The following LONP2 variants were observed in gnomAD, a reference collection of about 807,000 sequenced individuals.
LONP2 encodes lon protease homolog 2, peroxisomal.
A neutral mutation model predicts 85.6 loss-of-function variants in LONP2; 60 were observed. That is an observed-to-expected ratio of 0.70 (90% confidence interval 0.57 to 0.87). The LOEUF is 0.87. Among genes scored for constraint, LONP2 ranks in the 40% least tolerant of loss-of-function variants. The pLI, the probability that LONP2 is intolerant of heterozygous loss-of-function variation, is 0.00. For synonymous variants in LONP2, 395 were observed against 389.7 expected (o/e 1.01, Z -0.16); for missense variants, 860 against 1,063.5 (o/e 0.81, Z 2.66).
chr16:48,340,806 T>C (rs1959788058), intron 12 of LONP2, among the ~76,000 whole-genome samples: 1 of 151,448 alleles, frequency 6.6e-6, no homozygotes, highest in East Asian at 2.0e-4. Context: ...TACAAAATAT[T>C]ACCCGGAAGG....
intron 1 of LONP2, among the ~76,000 whole-genome samples, chr16:48,251,038 G>A (rs1285946623): frequency 1.3e-5 from 2 of 152,238 alleles, no homozygotes; most frequent in East Asian, 1.9e-4. Flanking sequence ...AATAAACTGA[G>A]TGGCAGAAAG....
chr16:48,273,800 T>G (rs1246001625), intron 7 of LONP2, among the ~76,000 whole-genome samples: 1 of 152,200 alleles, frequency 6.6e-6, no homozygotes, highest in African/African-American at 2.4e-5. Context: ...TGATATATCT[T>G]AAATCACTGT....
At chr16:48,297,668 T>C (rs1251867542) in intron 9 of LONP2, among the ~76,000 whole-genome samples, 1 of 152,078 alleles carries the variant, frequency 6.6e-6, no homozygotes, top group Non-Finnish European at 1.5e-5. Context: ...ATCTGAAATA[T>C]ATTTTTACTA....
chr16:48,314,745 CTAGG>C (rs1354283437), intron 11 of LONP2, among the ~76,000 whole-genome samples: 1 of 152,034 alleles, frequency 6.6e-6, no homozygotes, highest in Non-Finnish European at 1.5e-5. Flanking sequence ...AGATATCTTC[CTAGG>C]TATTTGATCT....
intron 14 of LONP2, among the ~76,000 whole-genome samples, chr16:48,350,885 G>A (rs1960121105): frequency 6.6e-6 from 1 of 152,186 alleles, no homozygotes; most frequent in African/African-American, 2.4e-5. Flanking sequence ...TGATGGACTT[G>A]CCCATAGGCT....
chr16:48,329,935 C>CTGTA (rs1282813197), intron 11 of LONP2, among the ~76,000 whole-genome samples: 2 of 152,194 alleles, frequency 1.3e-5, no homozygotes, highest in African/African-American at 4.8e-5. Context: ...AAACCCTTGC[C>CTGTA]TGTACTTTTG....
chr16:48,312,558 G>C (rs1973056231), intron 11 of LONP2, among the ~76,000 whole-genome samples: 1 of 152,064 alleles, frequency 6.6e-6, no homozygotes, highest in Non-Finnish European at 1.5e-5. Context: ...CTGTATGATA[G>C]CCTTGGTTAT....
At chr16:48,244,864 C>T (rs1971264708) in intron 1 of LONP2, among the ~76,000 whole-genome samples, 1 of 152,336 alleles carries the variant, frequency 6.6e-6, no homozygotes, top group Admixed American at 6.5e-5. Context: ...CCCTACCGTT[C>T]TGGATAATTT....
intron 6 of LONP2, among the ~76,000 whole-genome samples, chr16:48,264,557 G>T (rs1399149651): frequency 1.3e-5 from 2 of 152,162 alleles, no homozygotes; most frequent in Non-Finnish European, 2.9e-5. Flanking sequence ...AAACACACAT[G>T]CTGTACAATT....
At chr16:48,295,991 A>T in intron 8 of LONP2, 24 bp from the exon 9 acceptor site, 3 of 1,607,978 alleles carry the variant, frequency 1.9e-6, no homozygotes, top group Non-Finnish European at 2.5e-6. Context: ...TAAAGTTTTT[A>T]AAATGTTTTT....
At chr16:48,246,244 C>T (rs1971379356) in intron 1 of LONP2, among the ~76,000 whole-genome samples, 1 of 152,158 alleles carries the variant, frequency 6.6e-6, no homozygotes, top group Admixed American at 6.5e-5. Flanking sequence ...CCCATCTGAC[C>T]TGCTTTGGTT....
At chr16:48,358,002 A>G (rs1960439210), downstream of LONP2, among the ~76,000 whole-genome samples, 1 of 152,218 alleles carries the variant, frequency 6.6e-6, no homozygotes, top group Non-Finnish European at 1.5e-5. Context: ...GCCTCCTGAA[A>G]GACACCAAAA....
In LONP2 at chr16:48,261,579, G is replaced by C. The variant is rs1004851500; in HGVS notation, c.879G>C (p.Glu293Asp). The change falls in exon 5 of 15, where the codon GAG (glutamate) becomes GAC (aspartate). Residue 293 changes from glutamate (E) to aspartate (D), a missense_variant. Glu to Asp is a conservative substitution (Grantham distance 45). Coordinates refer to ENST00000285737, the MANE Select transcript of LONP2 (RefSeq NM_031490.5). ...PEQAHKVCVK[E>D]IKRLKKMPQS... ...AGGCCCATAAAGTCTGTGTCAAAGA[G>C]ATAAAGAGGTAAATTATAAAAGGCA... 1.3e-6 allele frequency: 2 copies of C among 1,565,006 alleles called. No individual in the cohort carries two copies. The highest frequency in any genetic ancestry group is 1.9e-5 in the Admixed American group (1 of 52,122).
In LONP2 at chr16:48,352,611, C is replaced by T. The variant is rs944342509; in HGVS notation, c.*809C>T. The T allele has an allele frequency of 2.0e-5, 3 of 152,146 alleles. No individual in the cohort carries two copies. The highest frequency in any genetic ancestry group is 7.2e-5 in the African/African-American group (3 of 41,382). The allele number at this position is 152,146 out of a possible 1,614,324, so 9.4% of individuals were successfully genotyped here. A position where few individuals can be genotyped will look rare whatever the true frequency, so the allele number is the denominator to read the frequency against. ...ATCGCGCCATTGCACTCCAGCCTGG[C>T]TGACAGAGCGAGACTGTCTCTAAAA... On this transcript the variant is annotated 3_prime_UTR_variant, in exon 15 of 15. Coordinates refer to ENST00000285737, the MANE Select transcript of LONP2 (RefSeq NM_031490.5).
Position 48,315,585 on chromosome 16 carries a change from C to T in LONP2, c.1795+12280C>T, listed in dbSNP as rs1973124022. 2.0e-5 allele frequency among the ~76,000 whole-genome samples: 3 copies of T among 152,214 alleles called. No homozygotes were observed. In the South Asian group the frequency reaches 6.2e-4, roughly 32 times the overall value. ...GAGCAACTTGTTACTTCATGGCCTA[C>T]TGACCTCTTAAAAGTCTCACTACTT... is the stretch of plus-strand genomic sequence containing the variant. On this transcript the variant is annotated intron_variant, in intron 11 of 14. Coordinates refer to ENST00000285737, the MANE Select transcript of LONP2 (RefSeq NM_031490.5).
At chr16:48,358,468 C>A (rs757107433), downstream of LONP2, among the ~76,000 whole-genome samples, 1 of 152,110 alleles carries the variant, frequency 6.6e-6, no homozygotes, top group Non-Finnish European at 1.5e-5. Flanking sequence ...ACTCAGATGA[C>A]CATGTTGTGT....
In LONP2 at chr16:48,244,530, A is replaced by G. The variant is rs1157935930; in HGVS notation, c.142A>G (p.Lys48Glu). Residue 48 changes from lysine (K) to glutamate (E), a missense_variant, in exon 1 of 15, where the codon AAG becomes GAG. By Grantham distance (56) the Lys-to-Glu change is moderately conservative. Around this residue, in one of 3 missense-constraint regions of LONP2, gnomAD observed 743 missense variants for 917.3 expected, o/e 0.81. Transcript: ENST00000285737. ...NLQLVRSRLL[K>E]GTSLQSTILG... ...GCAGCTGGTGCGGAGCCGCCTTCTG[A>G]AGGGCACGTCGCTGCAAAGCACCAT... 1 of 1,579,124 alleles carries G rather than the reference A, an allele frequency of 6.3e-7. No homozygotes were observed. Among genetic ancestry groups the G allele is most frequent in the Non-Finnish European group, 8.6e-7 (1 of 1,166,646 alleles).
At chr16:48,328,655 G>A (rs1195241495) in intron 11 of LONP2, among the ~76,000 whole-genome samples, 3 of 148,844 alleles carry the variant, frequency 2.0e-5, no homozygotes, top group Non-Finnish European at 4.5e-5. Context: ...TCTAGCCTGG[G>A]TGACACGGGG....
rs1959572484 is a variant in LONP2, at chr16:48,334,365, CATTCTTTTT to C, written c.1938+11_1938+19del. On this transcript the variant is annotated splice_region_variant and intron_variant, in intron 12 of 14. Coordinates refer to ENST00000285737, the MANE Select transcript of LONP2 (RefSeq NM_031490.5). ...CCCGATGTATGAAATGGAGGTGATT[CATTCTTTTT>C]ATTTCTTTTTGCTCCAGTCAATGAA... is the stretch of plus-strand genomic sequence containing the variant. The C allele has an allele frequency of 6.2e-7, 1 of 1,613,936 alleles. No homozygotes were observed. The highest frequency in any genetic ancestry group is 1.1e-5 in the South Asian group (1 of 91,056).
Sources: gnomAD v4.1 joint callset for allele counts (sites outside exome capture counted in the v4.1 genomes callset) on GRCh38, gnomAD v4.1.1 for gene constraint, gnomAD v4.1.1 regional missense constraint, MANE v1.5 for transcripts, NCBI Gene and HGNC (gene_info 2026-07-23, HGNC 2026-07-21) for gene names.